Variants in SPATA1 observed in about 807,000 individuals in gnomAD.
SPATA1 encodes the protein spermatogenesis associated 1.
SPATA1 carries 57 observed loss-of-function variants against 59.6 expected under a neutral mutation model. That is an observed-to-expected ratio of 0.96 (90% CI 0.77 to 1.19). SPATA1 has a LOEUF of 1.19. Ranked by LOEUF, SPATA1 falls within the 50% of genes most tolerant of loss-of-function variation. The pLI is 0.00. For missense variants in SPATA1, 448 were observed against 480.7 expected (o/e 0.93, Z 0.64); for synonymous variants, 147 against 163.9 (o/e 0.90, Z 0.79).
chr1:84,558,320 C>A (rs1365455318), downstream of SPATA1, among the ~76,000 whole-genome samples: 2 of 150,108 alleles, frequency 1.3e-5, no homozygotes, highest in African/African-American at 4.9e-5. Flanking sequence ...GACGGAGTCT[C>A]GCTCTGTCGC....
intron 9 of SPATA1, 115 bp from the exon 10 acceptor site, chr1:84,545,519 G>A: frequency 1.7e-6 from 2 of 1,194,514 alleles, no homozygotes; most frequent in African/African-American, 1.6e-5. Context: ...AACAGTTTGG[G>A]ATAAAATTTA....
downstream of SPATA1, chr1:84,566,200 G>C (rs936046661): frequency 3.3e-5 from 9 of 270,332 alleles, no homozygotes. Context: ...GCTTACACTT[G>C]ACTGAGTCAG....
Position 84,517,462 on chromosome 1 carries a change from A to C in SPATA1, c.36+1067A>C, listed in dbSNP as rs187563786. Among the ~76,000 whole-genome samples the C allele has an allele frequency of 3.8e-3, 577 of 152,272 alleles. 5 individuals are homozygous for C. Among genetic ancestry groups the C allele is most frequent in the African/African-American group, 0.013 (547 of 41,566 alleles). The stretch of plus-strand genomic sequence containing the variant: ...CCAGATTCACGTAGGCCTATATTCA[A>C]CTGACTAACTGACATCGCCACTTGG... On this transcript the variant is annotated intron_variant, in intron 2 of 12. Coordinates refer to ENST00000490879, the Ensembl canonical transcript of SPATA1.
At chr1:84,515,519 G>A (rs944932050) in intron 1 of SPATA1, among the ~76,000 whole-genome samples, 1 of 152,084 alleles carries the variant, frequency 6.6e-6, no homozygotes, top group Non-Finnish European at 1.5e-5. Context: ...ATCTAGAAGA[G>A]CTTCAGCTCT....
intron 4 of SPATA1, among the ~76,000 whole-genome samples, chr1:84,562,607 C>T (rs543087883): frequency 6.6e-6 from 1 of 151,994 alleles, no homozygotes; most frequent in African/African-American, 2.4e-5. Context: ...TGTGGAAGAG[C>T]CTTTATAATG....
At chr1:84,514,517 A>G (rs1201766112) in intron 1 of SPATA1, among the ~76,000 whole-genome samples, 1 of 152,202 alleles carries the variant, frequency 6.6e-6, no homozygotes, top group East Asian at 1.9e-4. Flanking sequence ...TTGGAGCATC[A>G]TGTCAGCATT....
At chr1:84,550,828 T>C (rs1015585902) in intron 12 of SPATA1, 7 of 1,003,666 alleles carry the variant, frequency 7.0e-6, no homozygotes, top group Admixed American at 5.9e-5. Flanking sequence ...TTAAGTAGTT[T>C]TCCTGTATTA....
At chr1:84,563,186 C>G (rs1684626551) in intron 4 of SPATA1, 1 of 1,076,718 alleles carries the variant, frequency 9.3e-7, no homozygotes, top group Non-Finnish European at 1.2e-6. Flanking sequence ...TTCTTGATAT[C>G]AAACATCTAA....
At chr1:84,550,586 T>C in intron 12 of SPATA1, 56 bp downstream of exon 12, 1 of 1,434,206 alleles carries the variant, frequency 7.0e-7, no homozygotes. Flanking sequence ...AAATAAAATA[T>C]TTTGGTGTTT....
chr1:84,548,657 G>A, intron 10 of SPATA1, 129 bp from the exon 11 acceptor site: 4 of 1,147,666 alleles, frequency 3.5e-6, no homozygotes, highest in Non-Finnish European at 4.5e-6. Flanking sequence ...GAGAAGAGGA[G>A]AGAAAGAGGA....
intron 6 of SPATA1, among the ~76,000 whole-genome samples, chr1:84,526,322 C>T (rs1169987844): frequency 6.6e-6 from 1 of 152,096 alleles, no homozygotes; most frequent in Non-Finnish European, 1.5e-5. Flanking sequence ...AACATTACCA[C>T]CTTTACTTCT....
chr1:84,565,719 GAAGC>G (rs1413700591), intron 4 of SPATA1, 138 bp from the exon 14 acceptor site: 1 of 474,508 alleles, frequency 2.1e-6, no homozygotes, highest in Non-Finnish European at 3.2e-6. Flanking sequence ...TTACATGTTT[GAAGC>G]AAGCCTTACA....
At chr1:84,518,098 T>A (rs1398576201) in intron 2 of SPATA1, among the ~76,000 whole-genome samples, 1 of 152,092 alleles carries the variant, frequency 6.6e-6, no homozygotes, top group East Asian at 1.9e-4. Flanking sequence ...TGAAGTATAT[T>A]CAGAATGTAG....
chr1:84,553,773 C>G (rs1384464653), exon 13 of SPATA1: 1 of 152,056 alleles, frequency 6.6e-6, no homozygotes, highest in East Asian at 1.9e-4. Context: ...TTCCAATTTA[C>G]AGGGGCAAAA....
At chr1:84,554,874 T>C (rs1570462540), downstream of SPATA1, 8 of 735,548 alleles carry the variant, frequency 1.1e-5, no homozygotes, top group East Asian at 1.9e-4. Context: ...AATCAAAACA[T>C]TTATTTATTC....
At chr1:84,549,083 A>T (rs1263835528) in intron 11 of SPATA1, 119 bp downstream of exon 11, 6 of 1,036,318 alleles carry the variant, frequency 5.8e-6, no homozygotes, top group Non-Finnish European at 7.9e-6. Context: ...TGCTTAAAAC[A>T]ATAAAAAAAC....
intron 1 of SPATA1, among the ~76,000 whole-genome samples, chr1:84,509,834 AT>A (rs1294563081): frequency 1.3e-5 from 2 of 152,162 alleles, no homozygotes; most frequent in Non-Finnish European, 2.9e-5. Context: ...TTTTTGAATA[AT>A]GCCCTACAAG....
intron 8 of SPATA1, among the ~76,000 whole-genome samples, chr1:84,537,549 C>G (rs952358923): frequency 6.6e-6 from 1 of 152,148 alleles, no homozygotes. Context: ...GAAGGGGAGG[C>G]CAGGTATCCT....
intron 6 of SPATA1, among the ~76,000 whole-genome samples, chr1:84,530,104 C>T (rs1053481288): frequency 4.6e-5 from 7 of 151,136 alleles, no homozygotes; most frequent in South Asian, 2.1e-4. Context: ...GCAATCCGCC[C>T]GCCTGGGACA....
Sources: allele counts gnomAD v4.1 joint callset (sites outside exome capture counted in the v4.1 genomes callset), GRCh38; gene constraint gnomAD v4.1.1; transcripts MANE v1.5; gene names NCBI Gene and HGNC (gene_info 2026-07-23, HGNC 2026-07-21).